Variants in ARHGEF12 observed in about 807,000 individuals in gnomAD.
ARHGEF12 encodes the protein KMT2A/ARHGEF12 fusion protein.
In ARHGEF12, 66 loss-of-function variants were observed where a neutral mutation model predicts 211.2. The observed-to-expected ratio is 0.31, with a 90% CI of 0.26 to 0.38. The LOEUF (loss-of-function observed/expected upper bound fraction) is 0.38. Ranked by LOEUF, ARHGEF12 falls within the 10% of genes least tolerant of loss-of-function variation. The pLI is 1.00. For missense variants in ARHGEF12, 1,429 were observed against 1,869.5 expected (o/e 0.76, Z 4.34); for synonymous variants, 592 against 638.4 (o/e 0.93, Z 1.09).
At chr11:120,364,840 C>A (rs1424112907) in intron 1 of ARHGEF12, among the ~76,000 whole-genome samples, 5 of 123,272 alleles carry the variant, frequency 4.1e-5, no homozygotes, top group Non-Finnish European at 3.3e-5. Flanking sequence ...TTTTTTTGAG[C>A]CAAGTCCCAC....
intron 1 of ARHGEF12, among the ~76,000 whole-genome samples, chr11:120,375,840 C>T (rs1439738518): frequency 6.6e-6 from 1 of 152,126 alleles, no homozygotes; most frequent in Non-Finnish European, 1.5e-5. Flanking sequence ...TTGGCTGTGA[C>T]AGTTTCTCAG....
chr11:120,359,659 G>A (rs926400356), intron 1 of ARHGEF12, among the ~76,000 whole-genome samples: 1 of 152,190 alleles, frequency 6.6e-6, no homozygotes, highest in African/African-American at 2.4e-5. Context: ...TATTATATTT[G>A]TGATGGTAGT....
chr11:120,429,868 CAGG>C lies in ARHGEF12; in HGVS notation c.783+40_783+42del, dbSNP rs1356475195. ...ATTACAAGTGCTACCCAACTTTTTG[CAGG>C]AGAATTTTCTTCTGGGAATGTGTCA... On this transcript the variant is annotated intron_variant, in intron 10 of 40. Coordinates refer to ENST00000397843, the MANE Select transcript of ARHGEF12 (RefSeq NM_015313.3). 2.5e-6 allele frequency: 4 copies of C among 1,571,304 alleles called. No homozygotes were observed. The African/African-American group carries it at 5.5e-5, about 22-fold the overall frequency.
At chr11:120,410,679 A>G (rs1211512911) in intron 4 of ARHGEF12, 4 of 152,188 alleles carry the variant, frequency 2.6e-5, no homozygotes, top group African/African-American at 4.8e-5. Flanking sequence ...ATATACACAT[A>G]GTTCTTTACT....
rs192277803 is a variant in ARHGEF12, at chr11:120,370,185, G to A, written c.32+32910G>A. The stretch of plus-strand genomic sequence containing the variant: ...AATATTATGAATATGATATGAGGTA[G>A]GGATTGAGTTTTATTCTTTCATGTG... On this transcript the variant is annotated intron_variant, in intron 1 of 40. Transcript: ENST00000397843. 2.7e-3 allele frequency among the ~76,000 whole-genome samples: 412 copies of A among 152,238 alleles called. 7 individuals are homozygous for A. The highest frequency in any genetic ancestry group is 0.02 in the Admixed American group (303 of 15,294).
intron 15 of ARHGEF12, 114 bp downstream of exon 15, chr11:120,442,316 T>C (rs1945893338): frequency 1.5e-6 from 1 of 676,816 alleles, no homozygotes; most frequent in African/African-American, 1.9e-5. Context: ...CTCACACCTG[T>C]ATTATATTTC....
intron 15 of ARHGEF12, 28 bp from the exon 16 acceptor site, chr11:120,445,394 T>G: frequency 6.2e-7 from 1 of 1,613,208 alleles, no homozygotes; most frequent in Non-Finnish European, 8.5e-7. Flanking sequence ...TTAGCGTTGT[T>G]ACACCTTTTG....
At chr11:120,422,550 C>T (rs1344493448) in intron 6 of ARHGEF12, among the ~76,000 whole-genome samples, 5 of 152,120 alleles carry the variant, frequency 3.3e-5, no homozygotes, top group Admixed American at 3.3e-4. Flanking sequence ...ATATATGAAA[C>T]ATAAAAGGCT....
At position 120,457,710 on chromosome 11, in the gene ARHGEF12, C is replaced by T; in HGVS notation, c.2190-11C>T. ...TGTTTTCATGTTACTCTTTACTTTC[C>T]ATTGTTTTAGGGTGACTGAACATGG... On this transcript the variant is annotated splice_polypyrimidine_tract_variant and intron_variant, in intron 23 of 40. Transcript: ENST00000397843. 6.3e-7 allele frequency: 1 copy of T among 1,582,558 alleles called. No individual in the cohort carries two copies. The highest frequency in any genetic ancestry group is 8.6e-7 in the Non-Finnish European group (1 of 1,164,084).
At chr11:120,372,986 TA>T (rs1350567307) in intron 1 of ARHGEF12, among the ~76,000 whole-genome samples, 23 of 152,020 alleles carry the variant, frequency 1.5e-4, no homozygotes, top group African/African-American at 5.6e-4. Flanking sequence ...TGAAAAAAGC[TA>T]TTCCGTATTA....
chr11:120,447,893 G>A lies in ARHGEF12; in HGVS notation c.1609G>A (p.Glu537Lys). 1 of 1,568,456 alleles carries A rather than the reference G, an allele frequency of 6.4e-7. No individual in the cohort carries two copies. The highest frequency in any genetic ancestry group is 8.6e-7 in the Non-Finnish European group (1 of 1,162,458). ...EEVLMTAQAV[E>K]EDKSSTMQYV... is the part of the protein sequence containing the mutation. ...TTTAAGGATGACTGCTCAGGCTGTA[G>A]AGGAAGATAAGAGGTAACATAACTG... Residue 537 changes from glutamate to lysine, a missense_variant, in exon 19 of 41, where the codon GAG becomes AAG. Physicochemically the swap from Glu to Lys is moderately conservative, Grantham distance 56 (BLOSUM62 1). Coordinates refer to ENST00000397843, the MANE Select transcript of ARHGEF12 (RefSeq NM_015313.3).
chr11:120,467,275 C>T lies in ARHGEF12; in HGVS notation c.2821C>T (p.Pro941Ser). The change falls in exon 29 of 41, where the codon CCA becomes TCA. Residue 941 changes from proline (P) to serine (S), a missense_variant. Transcript: ENST00000397843. ...PTQMQRLTKY[P>S]LLLDNIAKYT... ...TCAAATGCAAAGGCTTACTAAGTAC[C>T]CACTTCTGTTGGATAATATTGCCAA... 1 of 1,612,818 alleles carries T rather than the reference C, an allele frequency of 6.2e-7. No individual in the cohort carries two copies. Among genetic ancestry groups the T allele is most frequent in the Non-Finnish European group, 8.5e-7 (1 of 1,179,258 alleles).
In ARHGEF12 at chr11:120,488,451, A is replaced by AT. The variant is rs1243624521; in HGVS notation, c.*3381dup. 6 of 216,580 alleles carry AT rather than the reference A, an allele frequency of 2.8e-5. No individual in the cohort carries two copies. Among genetic ancestry groups the AT allele is most frequent in the Admixed American group, 1.7e-4 (3 of 17,190 alleles). 13.4% of individuals were successfully genotyped at this position (216,580 alleles called of 1,614,324 possible). A position where few individuals can be genotyped will look rare whatever the true frequency, so the allele number is the denominator to read the frequency against. Reference sequence around the variant, plus strand: ...TATTACAATTTTTGTTTTATAAGTCATTTTTTTCCTGATATTTCCACCACT... The same window carrying AT: ...TATTACAATTTTTGTTTTATAAGTCATTTTTTTTCCTGATATTTCCACCACT... On this transcript the variant is annotated 3_prime_UTR_variant, in exon 41 of 41. Transcript: ENST00000397843.
intron 7 of ARHGEF12, among the ~76,000 whole-genome samples, chr11:120,425,182 A>G (rs979119993): frequency 3.9e-5 from 6 of 152,112 alleles, no homozygotes; most frequent in African/African-American, 1.4e-4. Flanking sequence ...GGAGAAGGGA[A>G]GGTTCAGTGG....
chr11:120,466,783 G>A (rs1314213776), intron 28 of ARHGEF12, among the ~76,000 whole-genome samples: 2 of 152,208 alleles, frequency 1.3e-5, no homozygotes, highest in Non-Finnish European at 2.9e-5. Flanking sequence ...AGATGAGCTG[G>A]CATACTCGAC....
At chr11:120,452,479 T>C (rs939915682) in intron 22 of ARHGEF12, among the ~76,000 whole-genome samples, 5 of 152,048 alleles carry the variant, frequency 3.3e-5, no homozygotes, top group African/African-American at 1.2e-4. Context: ...TGAGGTGCCA[T>C]AGAGGAGGCT....
chr11:120,404,264 T>G (rs1944626135), intron 1 of ARHGEF12, among the ~76,000 whole-genome samples: 1 of 152,234 alleles, frequency 6.6e-6, no homozygotes, highest in Non-Finnish European at 1.5e-5. Flanking sequence ...TTTGCAAAAC[T>G]ATGGGATTAT....
At chr11:120,471,024 C>A (rs147051292) in intron 30 of ARHGEF12, among the ~76,000 whole-genome samples, 66 of 152,158 alleles carry the variant, frequency 4.3e-4, no homozygotes, top group African/African-American at 1.5e-3. Context: ...TTGTGCCTGC[C>A]GGGAATGGCA....
At chr11:120,375,018 T>C (rs1368879407) in intron 1 of ARHGEF12, among the ~76,000 whole-genome samples, 1 of 152,220 alleles carries the variant, frequency 6.6e-6, no homozygotes, top group African/African-American at 2.4e-5. Context: ...ATTTTCACTT[T>C]AGTTTCTCAG....
Sources: allele counts gnomAD v4.1 joint callset (sites outside exome capture counted in the v4.1 genomes callset), GRCh38; gene constraint gnomAD v4.1.1; transcripts MANE v1.5; gene names NCBI Gene and HGNC (gene_info 2026-07-23, HGNC 2026-07-21).